E2F1: variants seen among roughly 807,000 people sequenced by gnomAD.
E2F1 encodes the protein E2F transcription factor 1.
E2F1 carries 7 observed loss-of-function variants against 36.9 expected under a neutral mutation model. The ratio of observed to expected loss-of-function variants is 0.19; its 90% CI spans 0.11 to 0.36. The LOEUF (loss-of-function observed/expected upper bound fraction) is 0.36. E2F1 is among the 10% of genes least tolerant of loss of function. The pLI, the probability that E2F1 is intolerant of heterozygous loss-of-function variation, is 1.00. For synonymous variants in E2F1, 261 were observed against 263.1 expected (o/e 0.99, Z 0.08); for missense variants, 406 against 573.6 (o/e 0.71, Z 2.99).
Position 33,676,717 on chromosome 20 carries a change from TC to T in E2F1, c.*14del. On this transcript the variant is annotated 3_prime_UTR_variant, in exon 7 of 7. Coordinates refer to ENST00000343380, the MANE Select transcript of E2F1 (RefSeq NM_005225.3). ...AGGTGAGCATCTCTGGAAACCCTGG[TC>T]CCTCCAAGCCCTGTCAGAAATCCAG... 1.3e-6 allele frequency: 2 copies of T among 1,591,636 alleles called. No homozygotes were observed. Among genetic ancestry groups the T allele is most frequent in the Non-Finnish European group, 1.7e-6 (2 of 1,167,918 alleles).
Position 33,676,360 on chromosome 20 carries a change from C to A in E2F1, c.*372G>T, listed in dbSNP as rs536394453. On this transcript the variant is annotated 3_prime_UTR_variant, in exon 7 of 7. Coordinates refer to ENST00000343380, the MANE Select transcript of E2F1 (RefSeq NM_005225.3). ...GCCGAAAGTGCAGTTAGAGCCCCCC[C>A]ACGCGCACACATGGACTCATGCACA... 5.4e-4 allele frequency: 95 copies of A among 175,622 alleles called. No individual in the cohort carries two copies. The South Asian group carries it at 8.7e-3, about 16-fold the overall frequency. 10.9% of individuals were successfully genotyped at this position (175,622 alleles called of 1,614,324 possible).
chr20:33,679,592 G>A lies in E2F1; in HGVS notation c.572+163C>T, dbSNP rs1461272535. ...ACTGAGGTGGATATGTAAGATTTGT[G>A]TGCTTTTTACCATCTATCATCTCAG... is the stretch of plus-strand genomic sequence containing the variant. On this transcript the variant is annotated intron_variant, in intron 3 of 6. Coordinates refer to ENST00000343380, the MANE Select transcript of E2F1 (RefSeq NM_005225.3). The surrounding 1 kb of genome is among the most constrained non-coding windows in gnomAD (Gnocchi z 4.6). 6.6e-6 allele frequency among the ~76,000 whole-genome samples: 1 copy of A among 152,200 alleles called. No individual in the cohort carries two copies. The highest frequency in any genetic ancestry group is 2.4e-5 in the African/African-American group (1 of 41,450).
Position 33,676,374 on chromosome 20 carries a change from G to A in E2F1, c.*358C>T, listed in dbSNP as rs1187373191. Reference sequence around the variant, plus strand: ...TAGAGCCCCCCCACGCGCACACATGGACTCATGCACACACATGTGGACACA... The same window carrying A: ...TAGAGCCCCCCCACGCGCACACATGAACTCATGCACACACATGTGGACACA... On this transcript the variant is annotated 3_prime_UTR_variant, in exon 7 of 7. Coordinates refer to ENST00000343380, the MANE Select transcript of E2F1 (RefSeq NM_005225.3). The A allele has an allele frequency of 1.0e-5, 2 of 192,056 alleles. No homozygotes were observed. The highest frequency in any genetic ancestry group is 4.7e-5 in the African/African-American group (2 of 42,678). 11.9% of individuals were successfully genotyped at this position (192,056 alleles called of 1,614,324 possible).
chr20:33,680,005 C>G (rs775298282), intron 2 of E2F1, 31 bp from the exon 3 acceptor site: 1 of 1,533,012 alleles, frequency 6.5e-7, no homozygotes, highest in South Asian at 1.2e-5. Context: ...AAGACAGGGC[C>G]CTTCAGCATC....
intron 2 of E2F1, 54 bp downstream of exon 2, chr20:33,680,272 C>A: frequency 6.4e-7 from 1 of 1,570,504 alleles, no homozygotes; most frequent in Non-Finnish European, 8.7e-7. Flanking sequence ...CTGTTCACAT[C>A]CCTAACCTGG....
At chr20:33,685,251 G>A (rs773737828) in intron 1 of E2F1, among the ~76,000 whole-genome samples, 13 of 152,152 alleles carry the variant, frequency 8.5e-5, no homozygotes, top group Non-Finnish European at 1.6e-4. Flanking sequence ...GGCAACCAGG[G>A]CCTGGGAGGG....
Position 33,675,527 on chromosome 20 carries a change from CA to C in E2F1, c.*1204del. The C allele has an allele frequency of 6.4e-6, 1 of 156,840 alleles. No homozygotes were observed. The allele number at this position is 156,840 out of a possible 1,614,324, so 9.7% of individuals were successfully genotyped here. On this transcript the variant is annotated 3_prime_UTR_variant, in exon 7 of 7. Coordinates refer to ENST00000343380, the MANE Select transcript of E2F1 (RefSeq NM_005225.3). ...ACTGGATCTGCTTTTGAGTTAGGACCAAAACAGCGAGGAAGCTGACCTTTCT... is the reference window on the plus strand; with the variant it reads ...ACTGGATCTGCTTTTGAGTTAGGACCAAACAGCGAGGAAGCTGACCTTTCT...
Position 33,680,307 on chromosome 20 carries a change from G to A in E2F1, c.352+19C>T. Reference sequence around the variant, plus strand: ...GGCCTGGTCACAGGGGGTCTGCCCAGCCCAAGCTCCATAGGTACCTTTTCC... The same window carrying A: ...GGCCTGGTCACAGGGGGTCTGCCCAACCCAAGCTCCATAGGTACCTTTTCC... On this transcript the variant is annotated intron_variant, in intron 2 of 6. Transcript: ENST00000343380. The A allele has an allele frequency of 5.0e-6, 8 of 1,613,138 alleles. No homozygotes were observed. Among genetic ancestry groups the A allele is most frequent in the Non-Finnish European group, 6.8e-6 (8 of 1,179,194 alleles).
Position 33,676,451 on chromosome 20 carries a change from C to A in E2F1, c.*281G>T. On this transcript the variant is annotated 3_prime_UTR_variant, in exon 7 of 7. Coordinates refer to ENST00000343380, the MANE Select transcript of E2F1 (RefSeq NM_005225.3). Reference sequence around the variant, plus strand: ...AGAGGTGTATGTTCACCTTCATTCCCCGGTACATGCACACACACATGCTCA... The same window carrying A: ...AGAGGTGTATGTTCACCTTCATTCCACGGTACATGCACACACACATGCTCA... The A allele has an allele frequency of 2.5e-6, 1 of 395,512 alleles. No individual in the cohort carries two copies. The highest frequency in any genetic ancestry group is 4.6e-6 in the Non-Finnish European group (1 of 219,142). The allele number at this position is 395,512 out of a possible 1,614,324, so 24.5% of individuals were successfully genotyped here.
At chr20:33,681,828 T>A (rs1211014172) in intron 1 of E2F1, among the ~76,000 whole-genome samples, 1 of 152,154 alleles carries the variant, frequency 6.6e-6, no homozygotes, top group African/African-American at 2.4e-5. Context: ...TCCCTGCCTC[T>A]GCTGCAGCCA....
chr20:33,676,663 G>A lies in E2F1; in HGVS notation c.*69C>T. 2.6e-6 allele frequency: 4 copies of A among 1,518,890 alleles called. No homozygotes were observed. The South Asian group carries it at 5.2e-5, about 20-fold the overall frequency. 94.1% of individuals were successfully genotyped at this position (1,518,890 alleles called of 1,614,324 possible). ...CCAAACAGGCTGGGAGGACGGCCAG[G>A]GACAGGGGGCTCCAGGGCTGCAGAG... On this transcript the variant is annotated 3_prime_UTR_variant, in exon 7 of 7. Transcript: ENST00000343380.
chr20:33,683,400 G>A (rs3213156), intron 1 of E2F1, among the ~76,000 whole-genome samples: 187 of 144,364 alleles, frequency 1.3e-3, no homozygotes, highest in African/African-American at 4.8e-3. Context: ...GCGGTGAGCC[G>A]AGATGGCGCC....
Position 33,679,508 on chromosome 20 carries a change from CACTCCAGCCTGGGTGACAGAGTGAA to C in E2F1, c.572+222_572+246del, listed in dbSNP as rs1336219842. 2.0e-5 allele frequency among the ~76,000 whole-genome samples: 3 copies of C among 152,100 alleles called. No homozygotes were observed. The highest frequency in any genetic ancestry group is 6.5e-5 in the Admixed American group (1 of 15,288). ...ACAGTGAGCTGAGATTACACCACTG[CACTCCAGCCTGGGTGACAGAGTGAA>C]ACTCCATCTAAAAAAGAAAAAAGTA... On this transcript the variant is annotated intron_variant, in intron 3 of 6. Transcript: ENST00000343380. The surrounding 1 kb of genome is among the most constrained non-coding windows in gnomAD (Gnocchi z 4.6).
intron 1 of E2F1, among the ~76,000 whole-genome samples, chr20:33,682,410 G>A (rs1433116350): frequency 6.6e-6 from 1 of 152,176 alleles, no homozygotes; most frequent in African/African-American, 2.4e-5. Flanking sequence ...ACAGTGAGAG[G>A]TGGACCCAGG....
In E2F1 at chr20:33,677,337, G is replaced by T. The variant is rs371719878; in HGVS notation, c.841-7C>A. On this transcript the variant is annotated splice_polypyrimidine_tract_variant and splice_region_variant and intron_variant, in intron 5 of 6. Coordinates refer to ENST00000343380, the MANE Select transcript of E2F1 (RefSeq NM_005225.3). ...TAAGGGAGATCTGAAAGTTCTGGGT[G>T]GAAGCAGCAGGCAGGGTAAACTGAG... 4 of 1,612,306 alleles carry T rather than the reference G, an allele frequency of 2.5e-6. No homozygotes were observed. The highest frequency in any genetic ancestry group is 2.5e-6 in the Non-Finnish European group (3 of 1,178,830).
intron 1 of E2F1, among the ~76,000 whole-genome samples, chr20:33,682,428 C>A (rs1205336209): frequency 6.6e-6 from 1 of 152,188 alleles, no homozygotes; most frequent in Non-Finnish European, 1.5e-5. Flanking sequence ...AGGACTTGCA[C>A]CCTAGTTGGC....
Position 33,680,314 on chromosome 20 carries a change from C to T in E2F1, c.352+12G>A. On this transcript the variant is annotated intron_variant, in intron 2 of 6. Coordinates refer to ENST00000343380, the MANE Select transcript of E2F1 (RefSeq NM_005225.3). The stretch of plus-strand genomic sequence containing the variant: ...TCACAGGGGGTCTGCCCAGCCCAAG[C>T]TCCATAGGTACCTTTTCCTGGATGG... 4 of 1,613,822 alleles carry T rather than the reference C, an allele frequency of 2.5e-6. No homozygotes were observed. The highest frequency in any genetic ancestry group is 1.1e-5 in the South Asian group (1 of 91,032).
intron 1 of E2F1, among the ~76,000 whole-genome samples, chr20:33,682,376 T>C (rs1039630531): frequency 1.3e-5 from 2 of 152,270 alleles, no homozygotes; most frequent in East Asian, 1.9e-4. Flanking sequence ...GGTGCTATGA[T>C]GGCCTCCACC....
chr20:33,686,172 C>A lies in E2F1; in HGVS notation c.93G>T (p.Ser31=), dbSNP rs1410790190. 26 of 1,052,470 alleles carry A rather than the reference C, an allele frequency of 2.5e-5. No individual in the cohort carries two copies. The highest frequency in any genetic ancestry group is 3.0e-5 in the Non-Finnish European group (26 of 874,688). 65.2% of individuals were successfully genotyped at this position (1,052,470 alleles called of 1,614,324 possible). ...GCGCGGCGGAGATGATGACGATCTG[C>A]GAGGAGTCGAGCAGCCGCAGCGCGC... ...GAGALRLLDS[S]QIVIISAAQD... is the part of the protein sequence containing the mutation. Residue 31 remains serine, a synonymous_variant, in exon 1 of 7, where the codon TCG becomes TCT. Coordinates refer to ENST00000343380, the MANE Select transcript of E2F1 (RefSeq NM_005225.3).
Sources: allele counts gnomAD v4.1 joint callset (sites outside exome capture counted in the v4.1 genomes callset), GRCh38; gene constraint gnomAD v4.1.1; non-coding constraint Gnocchi (gnomAD v3.1); transcripts MANE v1.5; gene names NCBI Gene and HGNC (gene_info 2026-07-23, HGNC 2026-07-21).